The following ADAMTS18 variants were observed in gnomAD, a reference collection of about 807,000 sequenced individuals.
ADAMTS18 encodes ADAM metallopeptidase with thrombospondin type 1 motif 18, also known as A disintegrin and metalloproteinase with thrombospondin motifs 18.
Under a neutral mutation model 165.9 loss-of-function variants are expected in ADAMTS18, and 157 were observed. The observed-to-expected ratio is 0.95, with a 90% CI of 0.83 to 1.08. The LOEUF (loss-of-function observed/expected upper bound fraction) is 1.08, where lower values mean the gene tolerates loss of function less well. Among genes scored for constraint, ADAMTS18 ranks in the 50% least tolerant of loss-of-function variants. ADAMTS18 has a pLI of 0.00. For synonymous variants in ADAMTS18, 782 were observed against 578.2 expected, an observed-to-expected ratio of 1.35 and a Z score of -5.06; for missense variants, 2,040 against 1,534.0, an observed-to-expected ratio of 1.33 and a Z score of -5.51.
intron 3 of ADAMTS18, among the ~76,000 whole-genome samples, chr16:77,417,702 C>T (rs1333860062): frequency 6.6e-6 from 1 of 152,180 alleles, no homozygotes; most frequent in Non-Finnish European, 1.5e-5. Context: ...GCGCTGCACC[C>T]ACTAACTCAT....
chr16:77,361,660 G>C (rs900872982), intron 7 of ADAMTS18, among the ~76,000 whole-genome samples: 1 of 152,176 alleles, frequency 6.6e-6, no homozygotes, highest in African/African-American at 2.4e-5. Context: ...AAGGCGGGCG[G>C]AACACCTGAG....
intron 3 of ADAMTS18, among the ~76,000 whole-genome samples, chr16:77,410,491 C>T (rs941229911): frequency 3.9e-5 from 6 of 152,174 alleles, no homozygotes; most frequent in East Asian, 3.9e-4. Flanking sequence ...CCAAATAAGG[C>T]CTATGGAGGT....
chr16:77,416,300 G>A (rs964429590), intron 3 of ADAMTS18, among the ~76,000 whole-genome samples: 1 of 152,210 alleles, frequency 6.6e-6, no homozygotes, highest in Admixed American at 6.5e-5. Context: ...TAATGGAAGA[G>A]ATAGGAAGTT....
chr16:77,333,922 AAATATAAATACTG>A (rs2056233539), intron 12 of ADAMTS18, among the ~76,000 whole-genome samples: 4 of 145,064 alleles, frequency 2.8e-5, no homozygotes, highest in African/African-American at 1.0e-4. Context: ...CCTATATACT[AAATATAAATACTG>A]TAATATATAG....
intron 11 of ADAMTS18, 56 bp from the exon 12 acceptor site, chr16:77,335,960 G>A: frequency 6.2e-7 from 1 of 1,610,002 alleles, no homozygotes; most frequent in Non-Finnish European, 8.5e-7. Flanking sequence ...GAAAGCGCAG[G>A]GAGTTGCCAA....
intron 19 of ADAMTS18, among the ~76,000 whole-genome samples, chr16:77,294,146 T>C (rs2055421162): frequency 6.6e-6 from 1 of 152,170 alleles, no homozygotes; most frequent in South Asian, 2.1e-4. Context: ...CGTTTTTTCA[T>C]TCTTCCCCAT....
intron 3 of ADAMTS18, among the ~76,000 whole-genome samples, chr16:77,368,437 C>CTTTTTTTT (rs892324445): frequency 3.4e-4 from 45 of 132,890 alleles, no homozygotes; most frequent in East Asian, 8.7e-4. Flanking sequence ...TTCTTTTTTT[C>CTTTTTTTT]TTTTTTTTTT....
At chr16:77,355,751 C>T (rs1014299312) in intron 9 of ADAMTS18, among the ~76,000 whole-genome samples, 189 bp downstream of exon 9, 1 of 152,170 alleles carries the variant, frequency 6.6e-6, no homozygotes, top group African/African-American at 2.4e-5. Context: ...ACATTTAGCA[C>T]AACATTAGGC....
intron 3 of ADAMTS18, among the ~76,000 whole-genome samples, chr16:77,428,095 C>G (rs2144861640): frequency 6.6e-6 from 1 of 152,272 alleles, no homozygotes; most frequent in Non-Finnish European, 1.5e-5. Context: ...GCTACCACAT[C>G]CAAAAGGACC....
chr16:77,373,742 T>C (rs900563271), intron 3 of ADAMTS18, among the ~76,000 whole-genome samples: 2 of 152,120 alleles, frequency 1.3e-5, no homozygotes, highest in African/African-American at 4.8e-5. Flanking sequence ...AAGAAAATTA[T>C]CCTCTCTCAC....
At chr16:77,305,705 G>A (rs1004631471) in intron 16 of ADAMTS18, among the ~76,000 whole-genome samples, 1 of 152,070 alleles carries the variant, frequency 6.6e-6, no homozygotes, top group African/African-American at 2.4e-5. Flanking sequence ...CCCCAATTTG[G>A]TGGCCTTGAT....
At chr16:77,404,284 G>T (rs2057367542) in intron 3 of ADAMTS18, among the ~76,000 whole-genome samples, 1 of 152,168 alleles carries the variant, frequency 6.6e-6, no homozygotes, top group South Asian at 2.1e-4. Flanking sequence ...TGACCAAAGG[G>T]AAGGTGGAAC....
chr16:77,321,311 G>T, intron 14 of ADAMTS18, 109 bp from the exon 15 acceptor site: 11 of 1,432,564 alleles, frequency 7.7e-6, no homozygotes, highest in Non-Finnish European at 1.1e-5. Context: ...TAGGGAAGCA[G>T]TACAGCTTAT....
At chr16:77,287,406 T>C (rs2055274950) in intron 22 of ADAMTS18, among the ~76,000 whole-genome samples, 1 of 152,112 alleles carries the variant, frequency 6.6e-6, no homozygotes, top group Non-Finnish European at 1.5e-5. Flanking sequence ...GCCACATTTT[T>C]GGGTCAGAAC....
intron 7 of ADAMTS18, among the ~76,000 whole-genome samples, chr16:77,361,665 C>T (rs761098609): frequency 6.6e-6 from 1 of 152,146 alleles, no homozygotes; most frequent in Non-Finnish European, 1.5e-5. Context: ...GGGCGGAACA[C>T]CTGAGGTCAG....
Position 77,407,899 on chromosome 16 carries a change from C to G in ADAMTS18, c.495+23396G>C, listed in dbSNP as rs369812633. Among the ~76,000 whole-genome samples the G allele has an allele frequency of 1.4e-4, 21 of 151,886 alleles. 1 individual carries two copies. The South Asian group carries it at 4.2e-3, about 30-fold the overall frequency. On this transcript the variant is annotated intron_variant, in intron 3 of 22. Coordinates refer to ENST00000282849, the MANE Select transcript of ADAMTS18 (RefSeq NM_199355.4). ...AAGAAAGCATTTTAATACAGGAAGC[C>G]AGAGACTGATAAATTGCGAGAAATT... is the stretch of plus-strand genomic sequence containing the variant.
chr16:77,431,325 G>A lies in ADAMTS18; in HGVS notation c.465C>T (p.Ser155=), dbSNP rs2057736782. 6.8e-6 allele frequency: 11 copies of A among 1,614,134 alleles called. No homozygotes were observed. Among genetic ancestry groups the A allele is most frequent in the Admixed American group, 3.3e-5 (2 of 60,020 alleles). Residue 155 remains serine, a synonymous_variant, in exon 3 of 23, where the codon TCC becomes TCT. Coordinates refer to ENST00000282849, the MANE Select transcript of ADAMTS18 (RefSeq NM_199355.4). ...CAGCACACGTAGACACAGCGACAGA[G>A]GAGGAGCTGTCATTTCTGATAAATC... ...YQGFIRNDSS[S]SVAVSTCAGL... is the part of the protein sequence containing the mutation.
intron 10 of ADAMTS18, among the ~76,000 whole-genome samples, chr16:77,353,270 T>C (rs750251544): frequency 2.0e-5 from 3 of 152,194 alleles, no homozygotes; most frequent in Non-Finnish European, 4.4e-5. Context: ...AAAAATCTTA[T>C]TAATATTACT....
intron 16 of ADAMTS18, among the ~76,000 whole-genome samples, chr16:77,316,937 G>A (rs1172156626): frequency 6.6e-6 from 1 of 152,080 alleles, no homozygotes; most frequent in Non-Finnish European, 1.5e-5. Flanking sequence ...AAAGTGCTGG[G>A]ATTACAGGGG....
Sources: gnomAD v4.1 joint callset for allele counts (sites outside exome capture counted in the v4.1 genomes callset) on GRCh38, gnomAD v4.1.1 for gene constraint, MANE v1.5 for transcripts, NCBI Gene and HGNC (gene_info 2026-07-23, HGNC 2026-07-21) for gene names.